Variants in RPL7 observed in about 807,000 individuals in gnomAD.
RPL7 encodes the protein large ribosomal subunit protein uL30.
For missense variants in RPL7, 205 were observed against 301.9 expected, an observed-to-expected ratio of 0.68 and a Z score of 2.38; for synonymous variants, 100 against 102.2, an observed-to-expected ratio of 0.98 and a Z score of 0.13.
chr8:73,292,838 G>C (rs1198518281), intron 1 of RPL7, 41 bp from the exon 2 acceptor site: 3 of 1,449,068 alleles, frequency 2.1e-6, no homozygotes, highest in African/African-American at 2.8e-5. Flanking sequence ...AGCTCAAAAA[G>C]CTCACAGCGC....
intron 1 of RPL7, 111 bp from the exon 2 acceptor site, chr8:73,292,908 A>G (rs942997799): frequency 5.5e-6 from 4 of 729,928 alleles, no homozygotes; most frequent in African/African-American, 5.3e-5. Flanking sequence ...GACTTTAGTC[A>G]CTAGTAACTT....
At chr8:73,293,072 TAAAAA>T (rs111698211) in intron 1 of RPL7, 2 of 264,170 alleles carry the variant, frequency 7.6e-6, no homozygotes, top group Non-Finnish European at 1.4e-5. Flanking sequence ...GACGACTAAT[TAAAAA>T]AAAAAACAAA....
Position 73,292,414 on chromosome 8 carries a change from C to G in RPL7, c.124-9G>C, listed in dbSNP as rs757867707. 8 of 1,591,110 alleles carry G rather than the reference C, an allele frequency of 5.0e-6. No homozygotes were observed. Among genetic ancestry groups the G allele is most frequent in the Non-Finnish European group, 6.8e-6 (8 of 1,174,112 alleles). On this transcript the variant is annotated splice_polypyrimidine_tract_variant and intron_variant, in intron 2 of 6. Coordinates refer to ENST00000352983, the MANE Select transcript of RPL7 (RefSeq NM_000971.4). ...CTCCTTGCCTTTCGAAGCTGAAAAC[C>G]AATAATCAGTTATTCATAATTTTTA...
intron 6 of RPL7, 123 bp from the exon 7 acceptor site, chr8:73,290,828 A>G: frequency 1.9e-6 from 1 of 529,576 alleles, no homozygotes; most frequent in Non-Finnish European, 3.4e-6. Context: ...CCATCTTTAA[A>G]GACTCCCCAA....
chr8:73,293,887 T>C, upstream of RPL7: 2 of 415,600 alleles, frequency 4.8e-6, no homozygotes. Flanking sequence ...CGGGTCCTAA[T>C]CCCCAGGCTG....
Position 73,293,619 on chromosome 8 carries a change from A to G in RPL7, c.-7T>C. Reference sequence around the variant, plus strand: ...CTCACTCTACACCCTCCATGGTTCCAGCCGGAAAAAGAGGAAGTTGGCGCA... The same window carrying G: ...CTCACTCTACACCCTCCATGGTTCCGGCCGGAAAAAGAGGAAGTTGGCGCA... On this transcript the variant is annotated 5_prime_UTR_variant, in exon 1 of 7. Transcript: ENST00000352983. 6.2e-7 allele frequency: 1 copy of G among 1,613,912 alleles called. No homozygotes were observed. The highest frequency in any genetic ancestry group is 2.2e-5 in the East Asian group (1 of 44,872).
chr8:73,292,109 C>T, intron 3 of RPL7, 130 bp downstream of exon 3: 1 of 1,104,644 alleles, frequency 9.1e-7, no homozygotes. Flanking sequence ...TAGTGATCAG[C>T]ACCCTCCTTG....
intron 3 of RPL7, 46 bp downstream of exon 3, chr8:73,292,193 T>G (rs1366187338): frequency 6.5e-7 from 1 of 1,540,318 alleles, no homozygotes; most frequent in African/African-American, 1.4e-5. Flanking sequence ...TGAAGGTTTT[T>G]TTTTTTTTTC....
Position 73,291,175 on chromosome 8 carries a change from T to G in RPL7, c.616A>C (p.Asn206His). The G allele has an allele frequency of 6.2e-7, 1 of 1,608,164 alleles. No individual in the cohort carries two copies. The highest frequency in any genetic ancestry group is 8.5e-7 in the Non-Finnish European group (1 of 1,174,750). The change falls in exon 6 of 7, where the codon AAC (asparagine) becomes CAC (histidine). Residue 206 changes from asparagine to histidine, a missense_variant. By Grantham distance (68) the Asn-to-His change is moderately conservative. Transcript: ENST00000352983. Reference protein sequence around the residue: ...TVGKRFKEANNFLWPFKLSSP... With the variant: ...TVGKRFKEANHFLWPFKLSSP... Reference sequence around the variant, plus strand: ...GACAATTTGAAGGGCCACAGGAAGTTATTTGCCTCTTTGAAGCGTTTTCCA... The same window carrying G: ...GACAATTTGAAGGGCCACAGGAAGTGATTTGCCTCTTTGAAGCGTTTTCCA...
intron 3 of RPL7, 55 bp downstream of exon 3, chr8:73,292,184 G>A (rs1274402962): frequency 7.4e-7 from 1 of 1,343,986 alleles, no homozygotes; most frequent in East Asian, 2.3e-5. Flanking sequence ...GAAGTAATGT[G>A]AAGGTTTTTT....
At chr8:73,294,330 G>A (rs1284439302), upstream of RPL7, 1 of 153,060 alleles carries the variant, frequency 6.5e-6, no homozygotes, top group Non-Finnish European at 1.5e-5. Flanking sequence ...GGGCTCTGCT[G>A]ACTGCCGAGC....
chr8:73,292,853 T>C (rs1814137509), intron 1 of RPL7, 56 bp from the exon 2 acceptor site: 1 of 1,291,090 alleles, frequency 7.7e-7, no homozygotes, highest in South Asian at 1.3e-5. Context: ...CAGCGCTGTA[T>C]TACTCCCGTA....
intron 5 of RPL7, 79 bp from the exon 6 acceptor site, chr8:73,291,331 G>A: frequency 1.2e-5 from 14 of 1,174,400 alleles, no homozygotes; most frequent in Admixed American, 2.3e-5. Flanking sequence ...TTTTGAATAG[G>A]CTGTGAGATG....
At chr8:73,291,503 G>T in intron 5 of RPL7, 49 bp downstream of exon 5, 1 of 1,344,294 alleles carries the variant, frequency 7.4e-7, no homozygotes, top group Non-Finnish European at 1.1e-6. Context: ...AAGAGGGTAA[G>T]AAATTATCGC....
chr8:73,293,676 G>C (rs777684842), upstream of RPL7: 4 of 1,596,968 alleles, frequency 2.5e-6, no homozygotes, highest in South Asian at 3.4e-5. Flanking sequence ...CTTCGCGAGA[G>C]AAGCCCCACG....
At chr8:73,292,180 A>ATG (rs1814113969) in intron 3 of RPL7, 59 bp downstream of exon 3, 2 of 1,408,696 alleles carry the variant, frequency 1.4e-6, no homozygotes, top group Admixed American at 4.0e-5. Flanking sequence ...CCCAGAAGTA[A>ATG]TGTGAAGGTT....
intron 5 of RPL7, 74 bp downstream of exon 5, chr8:73,291,478 G>C (rs1814095080): frequency 3.6e-6 from 4 of 1,120,204 alleles, no homozygotes; most frequent in Non-Finnish European, 5.2e-6. Flanking sequence ...ACAATAGTGA[G>C]AAATGTACGG....
chr8:73,294,170 C>G, upstream of RPL7: 1 of 157,564 alleles, frequency 6.3e-6, no homozygotes, highest in East Asian at 1.9e-4. Context: ...ACCCCTTTCG[C>G]CGCTCCGCGA....
At chr8:73,291,690 G>A (rs750331764) in intron 4 of RPL7, 29 bp from the exon 5 acceptor site, 2 of 1,589,272 alleles carry the variant, frequency 1.3e-6, no homozygotes, top group South Asian at 2.2e-5. Flanking sequence ...CATAAATAAG[G>A]TGACCACTGT....
Sources: allele counts gnomAD v4.1 joint callset, GRCh38; gene constraint gnomAD v4.1.1; transcripts MANE v1.5; gene names NCBI Gene and HGNC (gene_info 2026-07-23, HGNC 2026-07-21).